MCPH1: variants seen among roughly 807,000 people sequenced by gnomAD.
The protein encoded by MCPH1 is microcephalin 1.
In MCPH1, 104 loss-of-function variants were observed where a neutral mutation model predicts 84.5. That is an observed-to-expected ratio of 1.23 (90% CI 1.05 to 1.45). The LOEUF is 1.45. Ranked by LOEUF, MCPH1 falls within the 40% of genes most tolerant of loss-of-function variation. The probability of loss-of-function intolerance (pLI) is 0.00; values close to 1 mark genes in which losing one functional copy is unlikely to be tolerated. For synonymous variants in MCPH1, 514 were observed against 366.8 expected, an observed-to-expected ratio of 1.40 and a Z score of -4.58; for missense variants, 1,498 against 1,005.7, an observed-to-expected ratio of 1.49 and a Z score of -6.62.
chr8:6,638,910 C>A (rs1035699217), intron 13 of MCPH1, among the ~76,000 whole-genome samples: 1 of 152,190 alleles, frequency 6.6e-6, no homozygotes, highest in African/African-American at 2.4e-5. Flanking sequence ...GCGCTTCAGA[C>A]CTCCCAGAGT....
At chr8:6,567,644 C>T (rs535956688) in intron 12 of MCPH1, among the ~76,000 whole-genome samples, 20 of 152,234 alleles carry the variant, frequency 1.3e-4, no homozygotes, top group African/African-American at 3.9e-4. Context: ...CAGGAAGCCT[C>T]GGGGAGCCAA....
intron 9 of MCPH1, among the ~76,000 whole-genome samples, chr8:6,463,122 C>T (rs1806467097): frequency 1.3e-5 from 2 of 152,190 alleles, no homozygotes; most frequent in African/African-American, 2.4e-5. Flanking sequence ...AAAGCTCCTT[C>T]AGTGATTCTG....
At chr8:6,422,272 T>A (rs1209606103) in intron 3 of MCPH1, among the ~76,000 whole-genome samples, 1 of 152,200 alleles carries the variant, frequency 6.6e-6, no homozygotes, top group Non-Finnish European at 1.5e-5. Flanking sequence ...TAACAAATTA[T>A]GAACAAAGGA....
intron 13 of MCPH1, among the ~76,000 whole-genome samples, chr8:6,640,653 T>C (rs2433147): frequency 0.096 from 14,615 of 152,262 alleles, 786 homozygotes; most frequent in Middle Eastern, 0.15. Context: ...GTCTTAAGTA[T>C]TACCAAGTTT....
chr8:6,538,525 G>T (rs1198421161), intron 12 of MCPH1, among the ~76,000 whole-genome samples: 1 of 152,254 alleles, frequency 6.6e-6, no homozygotes, highest in East Asian at 1.9e-4. Flanking sequence ...CCCTGATCTT[G>T]TGGGCCTCAG....
chr8:6,642,337 G>A (rs958439238), intron 13 of MCPH1, among the ~76,000 whole-genome samples: 2 of 152,088 alleles, frequency 1.3e-5, no homozygotes, highest in South Asian at 4.2e-4. Flanking sequence ...GGTTGTTTCC[G>A]CCAGCTGCCA....
At chr8:6,525,217 A>G (rs566229779) in intron 12 of MCPH1, among the ~76,000 whole-genome samples, 7 of 152,300 alleles carry the variant, frequency 4.6e-5, no homozygotes, top group Non-Finnish European at 7.3e-5. Context: ...TAGATATTCA[A>G]TTGTAGCTCT....
chr8:6,633,731 C>T (rs1013362493), intron 13 of MCPH1, among the ~76,000 whole-genome samples: 3 of 152,166 alleles, frequency 2.0e-5, no homozygotes, highest in Admixed American at 6.5e-5. Context: ...AGGCTGGACG[C>T]ACCCAACGCA....
intron 2 of MCPH1, 72 bp from the exon 3 acceptor site, chr8:6,414,693 T>A (rs1284283944): frequency 1.3e-6 from 2 of 1,547,774 alleles, no homozygotes; most frequent in African/African-American, 2.7e-5. Context: ...GGGGTAGAGG[T>A]TTTTTGATCA....
intron 12 of MCPH1, among the ~76,000 whole-genome samples, chr8:6,602,286 C>T (rs1295545339): frequency 6.6e-6 from 1 of 152,174 alleles, no homozygotes; most frequent in Non-Finnish European, 1.5e-5. Flanking sequence ...CTGGCACGGG[C>T]TGGAGCAGGA....
intron 12 of MCPH1, among the ~76,000 whole-genome samples, chr8:6,603,869 T>G (rs1428116740): frequency 2.6e-5 from 4 of 152,212 alleles, no homozygotes; most frequent in Admixed American, 2.6e-4. Flanking sequence ...AGGGACCCGA[T>G]TCCCAAGAAA....
intron 10 of MCPH1, among the ~76,000 whole-genome samples, chr8:6,478,884 A>G (rs148968637): frequency 1.5e-3 from 233 of 152,300 alleles, no homozygotes; most frequent in Non-Finnish European, 2.6e-3. Flanking sequence ...ATCTCTTAAG[A>G]ATTTAAAAGC....
At chr8:6,456,610 G>A (rs1267847139) in intron 9 of MCPH1, among the ~76,000 whole-genome samples, 1 of 151,572 alleles carries the variant, frequency 6.6e-6, no homozygotes, top group Non-Finnish European at 1.5e-5. Context: ...CAGGGAAGCC[G>A]TGGTACCTCT....
chr8:6,415,763 C>CCTTG (rs777288021), intron 3 of MCPH1, among the ~76,000 whole-genome samples: 4 of 152,110 alleles, frequency 2.6e-5, no homozygotes, highest in Non-Finnish European at 5.9e-5. Flanking sequence ...GATTTGAGTT[C>CCTTG]CTTGCTAAGA....
chr8:6,628,286 C>T (rs1439587932), intron 13 of MCPH1, among the ~76,000 whole-genome samples: 1 of 151,828 alleles, frequency 6.6e-6, no homozygotes, highest in Non-Finnish European at 1.5e-5. Flanking sequence ...CTGGCTAACA[C>T]AGTGAAACCC....
At chr8:6,423,728 C>G (rs947835772) in intron 3 of MCPH1, among the ~76,000 whole-genome samples, 5 of 152,036 alleles carry the variant, frequency 3.3e-5, no homozygotes, top group Non-Finnish European at 4.4e-5. Flanking sequence ...CTGTTCATTT[C>G]TGAGAGTTTA....
chr8:6,519,796 T>C (rs1485788485), intron 12 of MCPH1: 2 of 1,564,400 alleles, frequency 1.3e-6, no homozygotes, highest in African/African-American at 1.4e-5. Context: ...TTCTGCTCTC[T>C]GGTTCCTCAC....
chr8:6,474,230 T>C (rs1808141832), intron 9 of MCPH1: 1 of 636,074 alleles, frequency 1.6e-6, no homozygotes, highest in Non-Finnish European at 2.9e-6. Flanking sequence ...ATAGTCGTCA[T>C]ACAATTGCTT....
chr8:6,474,009 C>A, intron 9 of MCPH1: 1 of 877,202 alleles, frequency 1.1e-6, no homozygotes, highest in African/African-American at 1.6e-5. Flanking sequence ...TGAATATTGT[C>A]TTTTAGTTTC....
Sources: allele counts gnomAD v4.1 joint callset (sites outside exome capture counted in the v4.1 genomes callset), GRCh38; gene constraint gnomAD v4.1.1; transcripts MANE v1.5; gene names NCBI Gene and HGNC (gene_info 2026-07-23, HGNC 2026-07-21).